The following KAT6A variants were observed in gnomAD, a reference collection of about 807,000 sequenced individuals.
The protein encoded by KAT6A is lysine acetyltransferase 6A.
Under a neutral mutation model 198.4 loss-of-function variants are expected in KAT6A, and 9 were observed. The ratio of observed to expected loss-of-function variants is 0.05; its 90% CI spans 0.03 to 0.08. The LOEUF is 0.08. KAT6A is among the 10% of genes least tolerant of loss of function. The pLI, the probability that KAT6A is intolerant of heterozygous loss-of-function variation, is 1.00. For synonymous variants in KAT6A, 890 were observed against 883.0 expected, an observed-to-expected ratio of 1.01 and a Z score of -0.14; for missense variants, 2,077 against 2,509.9, an observed-to-expected ratio of 0.83 and a Z score of 3.69.
intron 2 of KAT6A, among the ~76,000 whole-genome samples, chr8:42,040,052 T>A (rs910288645): frequency 2.0e-5 from 3 of 151,898 alleles, no homozygotes; most frequent in Non-Finnish European, 4.4e-5. Context: ...CTGCCGAAAA[T>A]TTGTATGATT....
chr8:42,025,915 ACATTT>A (rs1404508088), intron 2 of KAT6A, among the ~76,000 whole-genome samples: 3 of 152,188 alleles, frequency 2.0e-5, no homozygotes, highest in Non-Finnish European at 2.9e-5. Context: ...TTCAGACCTT[ACATTT>A]AAGTCTTTAA....
intron 2 of KAT6A, among the ~76,000 whole-genome samples, chr8:41,988,903 G>A (rs1357194752): frequency 6.6e-6 from 1 of 152,138 alleles, no homozygotes. Context: ...CCCTCAAGAT[G>A]CATTCATTCA....
chr8:42,013,952 C>T (rs1826141364), intron 2 of KAT6A, among the ~76,000 whole-genome samples: 1 of 152,188 alleles, frequency 6.6e-6, no homozygotes, highest in Non-Finnish European at 1.5e-5. Flanking sequence ...GTTAAAACCA[C>T]TCAAGTCTGC....
intron 2 of KAT6A, among the ~76,000 whole-genome samples, chr8:42,041,826 G>GATAAT (rs71951449): frequency 0.1 from 15,888 of 151,568 alleles, 1,051 homozygotes; most frequent in East Asian, 0.24. Flanking sequence ...TTTCACACTT[G>GATAAT]ATAATAGCTA....
At chr8:41,992,420 T>C (rs1824992191) in intron 2 of KAT6A, among the ~76,000 whole-genome samples, 1 of 152,172 alleles carries the variant, frequency 6.6e-6, no homozygotes, top group Non-Finnish European at 1.5e-5. Context: ...ACTAAACCTA[T>C]TTAAATGTAG....
chr8:41,985,085 C>A (rs779074707), intron 3 of KAT6A, among the ~76,000 whole-genome samples: 1 of 152,002 alleles, frequency 6.6e-6, no homozygotes, highest in East Asian at 1.9e-4. Flanking sequence ...GCTACTTAGA[C>A]GGCAGGGCTG....
At chr8:42,016,816 A>G (rs1188106030) in intron 2 of KAT6A, among the ~76,000 whole-genome samples, 1 of 152,176 alleles carries the variant, frequency 6.6e-6, no homozygotes, top group Non-Finnish European at 1.5e-5. Flanking sequence ...ATTTTTAAAG[A>G]TACTAAAAAC....
intron 1 of KAT6A, among the ~76,000 whole-genome samples, chr8:42,051,559 TCGCCGCC>T (rs1325660719): frequency 7.0e-6 from 1 of 142,544 alleles, no homozygotes; most frequent in African/African-American, 2.5e-5. Context: ...CCTGGGCCGC[TCGCCGCC>T]CGCCCACCCG....
chr8:42,001,267 T>C (rs1825483677), intron 2 of KAT6A, among the ~76,000 whole-genome samples: 1 of 152,180 alleles, frequency 6.6e-6, no homozygotes, highest in Non-Finnish European at 1.5e-5. Flanking sequence ...GACAAAAATA[T>C]GGAACCAAAG....
chr8:42,001,767 A>C (rs762587923), intron 2 of KAT6A, among the ~76,000 whole-genome samples: 16 of 152,258 alleles, frequency 1.1e-4, no homozygotes, highest in Non-Finnish European at 1.9e-4. Context: ...CTCCTACAAC[A>C]AGGAATAGGG....
chr8:41,972,976 G>C (rs1823873922), intron 8 of KAT6A, among the ~76,000 whole-genome samples: 1 of 152,224 alleles, frequency 6.6e-6, no homozygotes, highest in African/African-American at 2.4e-5. Flanking sequence ...CAAGCTTTGA[G>C]GGCAACCTGC....
At chr8:41,980,136 A>G (rs1161787578) in intron 5 of KAT6A, among the ~76,000 whole-genome samples, 1 of 152,222 alleles carries the variant, frequency 6.6e-6, no homozygotes, top group Admixed American at 6.5e-5. Context: ...TATAAATTAT[A>G]AAATCAGAGT....
intron 2 of KAT6A, among the ~76,000 whole-genome samples, chr8:41,993,718 G>C (rs576312682): frequency 9.2e-5 from 14 of 152,170 alleles, no homozygotes; most frequent in Non-Finnish European, 1.9e-4. Context: ...AAATCATCTA[G>C]GTTAAGACAC....
intron 8 of KAT6A, among the ~76,000 whole-genome samples, chr8:41,960,040 A>C (rs754473538): frequency 5.9e-5 from 9 of 152,094 alleles, no homozygotes; most frequent in Non-Finnish European, 1.2e-4. Flanking sequence ...ATGCTAAGTG[A>C]AACAGCCAGA....
chr8:41,948,009 A>G, intron 10 of KAT6A, 97 bp from the exon 11 acceptor site: 1 of 988,368 alleles, frequency 1.0e-6, no homozygotes, highest in Non-Finnish European at 1.4e-6. Context: ...TCCACAGTCC[A>G]GACTAGGAGA....
At chr8:41,961,080 G>A (rs542537865) in intron 8 of KAT6A, among the ~76,000 whole-genome samples, 5 of 152,192 alleles carry the variant, frequency 3.3e-5, no homozygotes, top group East Asian at 3.9e-4. Context: ...TCACTCTCCC[G>A]TTCTGAAAGA....
At chr8:41,957,174 C>T (rs763970347) in intron 8 of KAT6A, 6 of 592,848 alleles carry the variant, frequency 1.0e-5, no homozygotes, top group Admixed American at 3.8e-5. Flanking sequence ...ACCACAACTG[C>T]GCACGTCTGT....
intron 8 of KAT6A, among the ~76,000 whole-genome samples, chr8:41,960,366 G>A (rs1163742009): frequency 1.3e-5 from 2 of 151,896 alleles, no homozygotes; most frequent in Non-Finnish European, 2.9e-5. Context: ...GATCACGATC[G>A]AGACCATCCT....
chr8:41,943,360 T>G (rs936918224), intron 13 of KAT6A, among the ~76,000 whole-genome samples: 3 of 152,218 alleles, frequency 2.0e-5, no homozygotes, highest in African/African-American at 7.2e-5. Context: ...GTGAACTGTC[T>G]GTTCTTCCTT....
Sources: allele counts gnomAD v4.1 joint callset (sites outside exome capture counted in the v4.1 genomes callset), GRCh38; gene constraint gnomAD v4.1.1; transcripts MANE v1.5; gene names NCBI Gene and HGNC (gene_info 2026-07-23, HGNC 2026-07-21).